The following GALNT8 variants were observed in gnomAD, a reference collection of about 807,000 sequenced individuals.
The protein encoded by GALNT8 is probable polypeptide N-acetylgalactosaminyltransferase 8.
Under a neutral mutation model 62.7 loss-of-function variants are expected in GALNT8, and 66 were observed. That is an observed-to-expected ratio of 1.05 (90% CI 0.86 to 1.29). The LOEUF is 1.29. Ranked by LOEUF, GALNT8 falls within the 50% of genes most tolerant of loss-of-function variation. GALNT8 has a pLI of 0.00. For synonymous variants in GALNT8, 288 were observed against 294.3 expected, an observed-to-expected ratio of 0.98 and a Z score of 0.22; for missense variants, 771 against 791.8, an observed-to-expected ratio of 0.97 and a Z score of 0.32.
chr12:4,762,609 C>T (rs1034576040), intron 7 of GALNT8, among the ~76,000 whole-genome samples: 4 of 152,212 alleles, frequency 2.6e-5, no homozygotes, highest in Non-Finnish European at 5.9e-5. Flanking sequence ...AGCGGCCCCA[C>T]TATGCAGGCC....
chr12:4,741,928 C>G (rs1946274191), intron 3 of GALNT8, among the ~76,000 whole-genome samples: 1 of 152,126 alleles, frequency 6.6e-6, no homozygotes, highest in South Asian at 2.1e-4. Flanking sequence ...CCAAATTGAG[C>G]CTACACTGAG....
At chr12:4,739,766 G>T (rs1946263275) in intron 3 of GALNT8, among the ~76,000 whole-genome samples, 1 of 151,446 alleles carries the variant, frequency 6.6e-6, no homozygotes. Flanking sequence ...CTGGGTCCGC[G>T]CCATTCTCCT....
At chr12:4,723,614 T>A (rs3782741) in intron 1 of GALNT8, among the ~76,000 whole-genome samples, 1 of 152,052 alleles carries the variant, frequency 6.6e-6, no homozygotes, top group South Asian at 2.1e-4. Flanking sequence ...CTCTTTCCTT[T>A]TTTGCAAAGA....
Position 4,760,990 on chromosome 12 carries a change from G to T in GALNT8, c.1206G>T (p.Leu402Phe). 6.2e-7 allele frequency: 1 copy of T among 1,614,062 alleles called. No homozygotes were observed. The highest frequency in any genetic ancestry group is 1.1e-5 in the South Asian group (1 of 91,068). ...VWQCGGKVEI[L>F]PCSRIAHLER... ...AGTGTGGAGGGAAGGTCGAGATTTT[G>T]CCCTGTTCCCGGATTGCCCACCTAG... The change falls in exon 7 of 11, where the codon TTG becomes TTT. Residue 402 changes from leucine to phenylalanine, a missense_variant. Coordinates refer to ENST00000252318, the MANE Select transcript of GALNT8 (RefSeq NM_017417.2).
chr12:4,752,918 T>C (rs572251901), intron 6 of GALNT8, among the ~76,000 whole-genome samples: 25 of 152,334 alleles, frequency 1.6e-4, no homozygotes, highest in African/African-American at 5.8e-4. Flanking sequence ...TTCTCCTTCA[T>C]GTCTGAAGGA....
intron 4 of GALNT8, 36 bp from the exon 5 acceptor site, chr12:4,745,393 T>C (rs1356352890): frequency 7.2e-7 from 1 of 1,388,394 alleles, no homozygotes; most frequent in East Asian, 2.3e-5. Flanking sequence ...CTTGTCCTCA[T>C]ATCCAAGCTG....
At chr12:4,769,506 A>G (rs1362539019) in intron 10 of GALNT8, among the ~76,000 whole-genome samples, 1 of 152,238 alleles carries the variant, frequency 6.6e-6, no homozygotes, top group African/African-American at 2.4e-5. Flanking sequence ...TAAATGTCCA[A>G]CAGCAGGGGA....
At chr12:4,742,910 T>C (rs912410620) in intron 3 of GALNT8, among the ~76,000 whole-genome samples, 1 of 152,226 alleles carries the variant, frequency 6.6e-6, no homozygotes, top group Admixed American at 6.5e-5. Context: ...TTAATCTTTG[T>C]GCTATATGAT....
At chr12:4,759,224 A>T (rs1946360859) in intron 6 of GALNT8, among the ~76,000 whole-genome samples, 2 of 152,082 alleles carry the variant, frequency 1.3e-5, no homozygotes, top group Non-Finnish European at 1.5e-5. Context: ...GGCTAGAGAG[A>T]ATAATAATAT....
intron 1 of GALNT8, among the ~76,000 whole-genome samples, chr12:4,724,523 A>G (rs1168269802): frequency 6.6e-6 from 1 of 152,228 alleles, no homozygotes; most frequent in Non-Finnish European, 1.5e-5. Flanking sequence ...GGAAGAACGC[A>G]GAGGAGCTCA....
chr12:4,764,575 G>T (rs554309465), intron 9 of GALNT8, among the ~76,000 whole-genome samples: 1 of 131,072 alleles, frequency 7.6e-6, no homozygotes, highest in Non-Finnish European at 1.6e-5. Flanking sequence ...ACAGAGTCTC[G>T]ATCTGTCGCC....
intron 10 of GALNT8, among the ~76,000 whole-genome samples, chr12:4,768,203 T>G (rs1039077227): frequency 6.6e-6 from 1 of 152,170 alleles, no homozygotes; most frequent in African/African-American, 2.4e-5. Context: ...TTAAAATTGC[T>G]ATCACAAGAT....
chr12:4,755,915 C>T (rs1946342736), intron 6 of GALNT8, among the ~76,000 whole-genome samples: 1 of 152,202 alleles, frequency 6.6e-6, no homozygotes, highest in South Asian at 2.1e-4. Context: ...CATGTGTTCA[C>T]TCTGGGGCTC....
chr12:4,721,137 G>T (rs1565582169), intron 1 of GALNT8, among the ~76,000 whole-genome samples: 1 of 151,908 alleles, frequency 6.6e-6, no homozygotes, highest in Non-Finnish European at 1.5e-5. Flanking sequence ...TGCGTGTGTG[G>T]GCTTGTGCAC....
At chr12:4,751,832 A>G (rs769081154) in intron 6 of GALNT8, among the ~76,000 whole-genome samples, 3 of 152,188 alleles carry the variant, frequency 2.0e-5, no homozygotes, top group Non-Finnish European at 4.4e-5. Context: ...AGATCTGTCC[A>G]GTGCTGAAAA....
intron 2 of GALNT8, among the ~76,000 whole-genome samples, chr12:4,733,162 A>G (rs1946228021): frequency 2.0e-5 from 3 of 152,248 alleles, no homozygotes. Context: ...TCAATTAAGC[A>G]TTTAGGTTTT....
chr12:4,771,393 G>A (rs1425830439), intron 10 of GALNT8, among the ~76,000 whole-genome samples: 1 of 152,168 alleles, frequency 6.6e-6, no homozygotes, highest in Non-Finnish European at 1.5e-5. Context: ...GGGTGGTTGG[G>A]GCTGGGGGGA....
intron 6 of GALNT8, among the ~76,000 whole-genome samples, chr12:4,754,282 G>A (rs892067709): frequency 7.2e-5 from 11 of 152,106 alleles, no homozygotes; most frequent in Admixed American, 1.3e-4. Context: ...CCTTCCTTTC[G>A]GGGCCGTGTG....
rs977445110 is a variant in GALNT8, at chr12:4,745,116, G to A, written c.861-313G>A. Among the ~76,000 whole-genome samples the A allele has an allele frequency of 5.3e-5, 8 of 152,148 alleles. No individual in the cohort carries two copies. The East Asian group carries it at 9.6e-4, about 18-fold the overall frequency. Reference sequence around the variant, plus strand: ...AGGAAAGAAGCATCACTTTGGAAACGGAGAACCAAGAGATAACGTAAATTC... The same window carrying A: ...AGGAAAGAAGCATCACTTTGGAAACAGAGAACCAAGAGATAACGTAAATTC... On this transcript the variant is annotated intron_variant, in intron 4 of 10. Transcript: ENST00000252318.
Sources: allele counts gnomAD v4.1 joint callset (sites outside exome capture counted in the v4.1 genomes callset), GRCh38; gene constraint gnomAD v4.1.1; transcripts MANE v1.5; gene names NCBI Gene and HGNC (gene_info 2026-07-23, HGNC 2026-07-21).